CDC42EP4: variants seen among roughly 807,000 people sequenced by gnomAD.
CDC42EP4 encodes the protein CDC42 effector protein (Rho GTPase binding) 4.
In CDC42EP4, 6 loss-of-function variants were observed where a neutral mutation model predicts 5.6. That is an observed-to-expected ratio of 1.07 (90% CI 0.59 to 2.12). The LOEUF (loss-of-function observed/expected upper bound fraction) is 2.12, where lower values mean the gene tolerates loss of function less well. CDC42EP4 is among the 30% of genes most tolerant of loss of function. The probability of loss-of-function intolerance (pLI) is 0.00; values close to 1 mark genes in which losing one functional copy is unlikely to be tolerated. For synonymous variants in CDC42EP4, 230 were observed against 224.2 expected, an observed-to-expected ratio of 1.03 and a Z score of -0.23; for missense variants, 490 against 508.6, an observed-to-expected ratio of 0.96 and a Z score of 0.35.
intron 1 of CDC42EP4, among the ~76,000 whole-genome samples, chr17:73,287,177 T>C (rs929402375): frequency 2.4e-4 from 37 of 152,198 alleles, no homozygotes; most frequent in African/African-American, 8.7e-4. Flanking sequence ...CTCCTCCCCC[T>C]GCGTGGGCGG....
chr17:73,305,264 G>T (rs563815790), intron 1 of CDC42EP4, among the ~76,000 whole-genome samples: 7 of 152,358 alleles, frequency 4.6e-5, no homozygotes, highest in Admixed American at 3.9e-4. Context: ...GGGACCATCT[G>T]GGCCAGGCAG....
At chr17:73,292,462 G>A (rs2062165974) in intron 1 of CDC42EP4, among the ~76,000 whole-genome samples, 2 of 152,126 alleles carry the variant, frequency 1.3e-5, no homozygotes, top group East Asian at 3.9e-4. Context: ...AGTGAAAATA[G>A]CACGCTGTTT....
intron 1 of CDC42EP4, among the ~76,000 whole-genome samples, chr17:73,299,275 A>C (rs1046072588): frequency 6.6e-6 from 1 of 151,894 alleles, no homozygotes; most frequent in Non-Finnish European, 1.5e-5. Flanking sequence ...TATTTAAAAA[A>C]AAAAATTAGC....
chr17:73,295,351 C>T (rs2062179271), intron 1 of CDC42EP4, among the ~76,000 whole-genome samples: 1 of 152,168 alleles, frequency 6.6e-6, no homozygotes, highest in African/African-American at 2.4e-5. Context: ...CCCCAGATAA[C>T]ACCTCAATGG....
intron 1 of CDC42EP4, among the ~76,000 whole-genome samples, 171 bp downstream of exon 1, chr17:73,311,722 A>G (rs1018519949): frequency 7.2e-5 from 11 of 152,066 alleles, no homozygotes; most frequent in African/African-American, 2.7e-4. Flanking sequence ...CGCGGTGAAA[A>G]GCGCGAGCGC....
chr17:73,297,655 A>G (rs1480267700), intron 1 of CDC42EP4, among the ~76,000 whole-genome samples: 1 of 151,296 alleles, frequency 6.6e-6, no homozygotes, highest in Non-Finnish European at 1.5e-5. Flanking sequence ...CTTTTTGTTT[A>G]TTTATTTATT....
chr17:73,294,255 G>A (rs1210247009), intron 1 of CDC42EP4, among the ~76,000 whole-genome samples: 1 of 152,194 alleles, frequency 6.6e-6, no homozygotes, highest in African/African-American at 2.4e-5. Flanking sequence ...GGAGGCTGAG[G>A]CAGGGAGAAT....
In CDC42EP4 at chr17:73,286,331, G is replaced by A. The variant is rs767306428; in HGVS notation, c.170C>T (p.Ala57Val). 1 of 1,614,224 alleles carries A rather than the reference G, an allele frequency of 6.2e-7. No individual in the cohort carries two copies. Among genetic ancestry groups the A allele is most frequent in the Admixed American group, 1.7e-5 (1 of 60,038 alleles). The change falls in exon 2 of 2, where the codon GCT (alanine) becomes GTT (valine). Residue 57 changes from alanine (A) to valine (V), a missense_variant. Ala to Val is a moderately conservative substitution (Grantham distance 64). Transcript: ENST00000335793. The surrounding 1 kb of genome is among the most constrained non-coding windows in gnomAD (Gnocchi z 7.7). Reference protein sequence around the residue: ...FGDTSFLNSKAGEPDGESLDE... With the variant: ...FGDTSFLNSKVGEPDGESLDE... ...CAAGGACTCGCCGTCGGGCTCGCCAGCCTTGCTATTGAGGAAGGAGGTGTC... is the reference window on the plus strand; with the variant it reads ...CAAGGACTCGCCGTCGGGCTCGCCAACCTTGCTATTGAGGAAGGAGGTGTC...
chr17:73,291,267 G>T (rs1225880845), intron 1 of CDC42EP4, among the ~76,000 whole-genome samples: 1 of 152,154 alleles, frequency 6.6e-6, no homozygotes, highest in Non-Finnish European at 1.5e-5. Flanking sequence ...GAGAGTTGGG[G>T]CCTAGAGGGA....
At chr17:73,303,487 C>T (rs553763274) in intron 1 of CDC42EP4, among the ~76,000 whole-genome samples, 1 of 151,974 alleles carries the variant, frequency 6.6e-6, no homozygotes, top group African/African-American at 2.4e-5. Context: ...CATGGTGAGA[C>T]CCTGTCTCTA....
chr17:73,306,469 C>A (rs1454617283), intron 1 of CDC42EP4, among the ~76,000 whole-genome samples: 1 of 152,164 alleles, frequency 6.6e-6, no homozygotes. Context: ...CACTGCACTC[C>A]AGCCTGGCCA....
intron 1 of CDC42EP4, among the ~76,000 whole-genome samples, chr17:73,289,744 A>AGGGAGGGAGGAAGGGAGGGGGGGAGGAG: frequency 1.1e-5 from 1 of 92,496 alleles, no homozygotes; most frequent in Non-Finnish European, 2.2e-5. Context: ...GGAGGGAGGA[A>AGGGAGGGAGGAAGGGAGGGGGGGAGGAG]GGGAGGGAGG....
At chr17:73,299,445 ACACACACAC>A (rs1568344379) in intron 1 of CDC42EP4, among the ~76,000 whole-genome samples, 86 of 104,958 alleles carry the variant, frequency 8.2e-4, no homozygotes, top group African/African-American at 2.6e-3. Context: ...AAAAAAAAAT[ACACACACAC>A]ACACACACAC....
At chr17:73,296,678 T>C (rs1035904708) in intron 1 of CDC42EP4, among the ~76,000 whole-genome samples, 1 of 151,222 alleles carries the variant, frequency 6.6e-6, no homozygotes. Flanking sequence ...TGAAACCCCG[T>C]CTCTACTTTT....
chr17:73,298,364 C>A (rs2062199608), intron 1 of CDC42EP4, among the ~76,000 whole-genome samples: 1 of 152,206 alleles, frequency 6.6e-6, no homozygotes, highest in Non-Finnish European at 1.5e-5. Context: ...CAGCTGCTTC[C>A]TGATGCTTAA....
intron 1 of CDC42EP4, among the ~76,000 whole-genome samples, chr17:73,295,156 A>C (rs542138845): frequency 1.3e-5 from 2 of 152,080 alleles, no homozygotes; most frequent in Non-Finnish European, 2.9e-5. Flanking sequence ...AAAATGCAGC[A>C]CCCACTGTGT....
intron 1 of CDC42EP4, among the ~76,000 whole-genome samples, chr17:73,291,738 G>A (rs1311683717): frequency 2.0e-5 from 3 of 152,120 alleles, no homozygotes; most frequent in Non-Finnish European, 2.9e-5. Flanking sequence ...TTGGCAGGGA[G>A]AGGGAAAATG....
Position 73,286,446 on chromosome 17 carries a change from G to A in CDC42EP4, c.55C>T (p.Arg19Ter), listed in dbSNP as rs868508363. Residue 19 changes from arginine to a stop codon, truncating the protein, a stop_gained, in exon 2 of 2, where the codon CGA (arginine) becomes TGA (stop). Coordinates refer to ENST00000335793, the MANE Select transcript of CDC42EP4 (RefSeq NM_012121.5). LOFTEE classifies it high-confidence loss of function. The surrounding 1 kb of genome is among the most constrained non-coding windows in gnomAD (Gnocchi z 7.7). ...ATCATCTCGGCCGTGAGGTCCGCTC[G>A]GGAACGGCGCTTGGAGTGCACCGAG... ...SSSVHSKRRSRADLTAEMISA... is the reference protein window; with the variant it reads ...SSSVHSKRRS The A allele has an allele frequency of 6.2e-7, 1 of 1,611,956 alleles. No homozygotes were observed. The highest frequency in any genetic ancestry group is 8.5e-7 in the Non-Finnish European group (1 of 1,178,630).
intron 1 of CDC42EP4, among the ~76,000 whole-genome samples, chr17:73,292,819 G>A (rs1364958383): frequency 6.6e-6 from 1 of 152,218 alleles, no homozygotes; most frequent in Admixed American, 6.5e-5. Flanking sequence ...TCCCTACCAG[G>A]CCACATAAAG....
Sources: gnomAD v4.1 joint callset for allele counts (sites outside exome capture counted in the v4.1 genomes callset) on GRCh38, gnomAD v4.1.1 for gene constraint, Gnocchi (gnomAD v3.1) non-coding constraint, MANE v1.5 for transcripts, NCBI Gene and HGNC (gene_info 2026-07-23, HGNC 2026-07-21) for gene names.